CCDC170: variants seen among roughly 807,000 people sequenced by gnomAD.
The protein encoded by CCDC170 is coiled-coil domain containing 170.
Under a neutral mutation model 72.6 loss-of-function variants are expected in CCDC170, and 69 were observed. That is an observed-to-expected ratio of 0.95 (90% CI 0.78 to 1.16). The LOEUF (loss-of-function observed/expected upper bound fraction) is 1.16. Among genes scored for constraint, CCDC170 ranks in the 50% most tolerant of loss-of-function variants. The probability of loss-of-function intolerance (pLI) is 0.00; values close to 1 mark genes in which losing one functional copy is unlikely to be tolerated. For synonymous variants in CCDC170, 300 were observed against 303.9 expected (o/e 0.99, Z 0.13); for missense variants, 852 against 832.5 (o/e 1.02, Z -0.29).
chr6:151,507,744 A>G lies in CCDC170; in HGVS notation c.57+13559A>G, dbSNP rs546299063. ...GAGACCATCCTGGCCAACATGGTGA[A>G]ACCCTGTATCTACTAAAAATACAAA... On this transcript the variant is annotated intron_variant, in intron 1 of 10. Coordinates refer to ENST00000239374, the MANE Select transcript of CCDC170 (RefSeq NM_025059.4). Among the ~76,000 whole-genome samples the G allele has an allele frequency of 2.0e-3, 300 of 152,140 alleles. 3 individuals carry two copies. Among genetic ancestry groups the G allele is most frequent in the African/African-American group, 7.0e-3 (291 of 41,498 alleles).
At chr6:151,526,310 C>T (rs1346358107) in intron 1 of CCDC170, among the ~76,000 whole-genome samples, 1 of 151,972 alleles carries the variant, frequency 6.6e-6, no homozygotes. Flanking sequence ...GCACCTCCAC[C>T]TCCTAGGTTC....
In CCDC170 at chr6:151,574,462, G is replaced by A. The variant is rs561867906; in HGVS notation, c.1092+971G>A. The stretch of plus-strand genomic sequence containing the variant: ...GCACAGGTTCCATGACCCCTTACCT[G>A]AAACTCTTGGGGCCCACGGTGTTTT... On this transcript the variant is annotated intron_variant, in intron 6 of 10. Coordinates refer to ENST00000239374, the MANE Select transcript of CCDC170 (RefSeq NM_025059.4). Among the ~76,000 whole-genome samples the A allele has an allele frequency of 2.1e-3, 315 of 152,250 alleles. 4 individuals are homozygous for A. Among genetic ancestry groups the A allele is most frequent in the African/African-American group, 7.4e-3 (307 of 41,536 alleles).
intron 1 of CCDC170, among the ~76,000 whole-genome samples, chr6:151,509,015 CAA>C (rs35476180): frequency 0.48 from 60,794 of 126,874 alleles, 15,411 homozygotes; most frequent in East Asian, 0.75. Context: ...AACTCCTTCT[CAA>C]AAAAAAAAAA....
At chr6:151,496,826 A>G (rs1013077532) in intron 1 of CCDC170, among the ~76,000 whole-genome samples, 2 of 152,246 alleles carry the variant, frequency 1.3e-5, no homozygotes, top group African/African-American at 4.8e-5. Context: ...TTTTTCTTCT[A>G]AAACATGGAA....
At chr6:151,607,115 T>A (rs568959392) in intron 9 of CCDC170, among the ~76,000 whole-genome samples, 7 of 152,274 alleles carry the variant, frequency 4.6e-5, no homozygotes, top group African/African-American at 1.4e-4. Context: ...ATAAGTAAGA[T>A]CTTGTTATTG....
chr6:151,494,361 G>A (rs1781878829), intron 1 of CCDC170, among the ~76,000 whole-genome samples, 176 bp downstream of exon 1: 1 of 152,226 alleles, frequency 6.6e-6, no homozygotes, highest in African/African-American at 2.4e-5. Flanking sequence ...ATTTCAGGAG[G>A]GGATGGGCAG....
intron 9 of CCDC170, among the ~76,000 whole-genome samples, chr6:151,607,630 AT>A (rs11411939): frequency 1.1e-4 from 17 of 149,634 alleles, no homozygotes; most frequent in Admixed American, 7.3e-4. Flanking sequence ...GTTGATAGGC[AT>A]TTTTTTTTTC....
chr6:151,557,374 A>G (rs1393759473), intron 5 of CCDC170, among the ~76,000 whole-genome samples: 1 of 151,368 alleles, frequency 6.6e-6, no homozygotes, highest in Non-Finnish European at 1.5e-5. Flanking sequence ...ACGCCACTGC[A>G]CTGCAGCTTG....
Position 151,582,350 on chromosome 6 carries a change from G to A in CCDC170, c.1093-3539G>A, listed in dbSNP as rs562165660. On this transcript the variant is annotated intron_variant, in intron 6 of 10. Transcript: ENST00000239374. ...GATGGCTTCTTTCCTTAAATCTCAT[G>A]AATCAATCTCTACTAGTTTCAAACT... is the stretch of plus-strand genomic sequence containing the variant. Among the ~76,000 whole-genome samples, 3 of 152,268 alleles carry A rather than the reference G, an allele frequency of 2.0e-5. 1 individual carries two copies. The East Asian group carries it at 5.8e-4, about 29-fold the overall frequency.
intron 5 of CCDC170, among the ~76,000 whole-genome samples, chr6:151,552,026 G>GTT (rs34498397): frequency 4.6e-5 from 6 of 129,640 alleles, no homozygotes; most frequent in African/African-American, 1.7e-4. Context: ...TTAGTGTCAG[G>GTT]TTTTTTTTTT....
intron 5 of CCDC170, among the ~76,000 whole-genome samples, chr6:151,549,024 C>T (rs1016650094): frequency 6.5e-4 from 99 of 152,264 alleles, no homozygotes; most frequent in African/African-American, 2.1e-3. Flanking sequence ...CTCAGCCTCC[C>T]GAGTAGCTGG....
At chr6:151,514,535 C>T (rs909213754) in intron 1 of CCDC170, among the ~76,000 whole-genome samples, 9 of 152,036 alleles carry the variant, frequency 5.9e-5, no homozygotes, top group Admixed American at 2.0e-4. Context: ...GGTGAAACAG[C>T]GATGAAAGCT....
chr6:151,582,626 G>T (rs1776394434), intron 6 of CCDC170, among the ~76,000 whole-genome samples: 1 of 152,084 alleles, frequency 6.6e-6, no homozygotes, highest in Admixed American at 6.6e-5. Flanking sequence ...AGGTTTATTT[G>T]GCTCATGGTT....
intron 3 of CCDC170, among the ~76,000 whole-genome samples, chr6:151,539,736 T>C (rs1260068520): frequency 1.3e-5 from 2 of 152,226 alleles, no homozygotes; most frequent in Non-Finnish European, 1.5e-5. Context: ...TACTAGCTAC[T>C]GTATATCTCC....
chr6:151,509,083 T>G (rs1198242129), intron 1 of CCDC170, among the ~76,000 whole-genome samples: 1 of 151,784 alleles, frequency 6.6e-6, no homozygotes, highest in Non-Finnish European at 1.5e-5. Flanking sequence ...TAAACTAAAA[T>G]TTATCAAGTG....
At chr6:151,602,511 T>A (rs144929649) in intron 9 of CCDC170, among the ~76,000 whole-genome samples, 1 of 152,174 alleles carries the variant, frequency 6.6e-6, no homozygotes, top group Non-Finnish European at 1.5e-5. Flanking sequence ...TACCCAAATG[T>A]CATCTTGAAT....
At position 151,525,213 on chromosome 6, in the gene CCDC170, T is replaced by G. The variant is rs1782386805; in HGVS notation, c.58-11105T>G. ...TCCCAAAGTGCTGGGATTACAGGCG[T>G]GAGCCACCACACCCAGCCTAGTCTG... On this transcript the variant is annotated intron_variant, in intron 1 of 10. Coordinates refer to ENST00000239374, the MANE Select transcript of CCDC170 (RefSeq NM_025059.4). 2.0e-5 allele frequency among the ~76,000 whole-genome samples: 3 copies of G among 152,302 alleles called. No homozygotes were observed. The South Asian group carries it at 6.2e-4, about 32-fold the overall frequency.
At chr6:151,589,385 C>A (rs557191340) in intron 7 of CCDC170, among the ~76,000 whole-genome samples, 20 of 152,316 alleles carry the variant, frequency 1.3e-4, no homozygotes, top group African/African-American at 2.4e-4. Context: ...CCTGCATGGT[C>A]CGTGAACACC....
intron 1 of CCDC170, among the ~76,000 whole-genome samples, chr6:151,515,381 C>G (rs1782220183): frequency 6.6e-6 from 1 of 152,244 alleles, no homozygotes; most frequent in Admixed American, 6.5e-5. Flanking sequence ...CTCCCAGGTT[C>G]AAGCGATTCT....
Sources: gnomAD v4.1 joint callset for allele counts (sites outside exome capture counted in the v4.1 genomes callset) on GRCh38, gnomAD v4.1.1 for gene constraint, MANE v1.5 for transcripts, NCBI Gene and HGNC (gene_info 2026-07-23, HGNC 2026-07-21) for gene names.